The following WNT7B variants were observed in gnomAD, a reference collection of about 807,000 sequenced individuals.
WNT7B encodes the protein Wnt family member 7B, also known as protein Wnt-7b.
WNT7B carries 19 observed loss-of-function variants against 38.2 expected under a neutral mutation model. The ratio of observed to expected loss-of-function variants is 0.50; its 90% CI spans 0.35 to 0.73. The LOEUF is 0.73. Among genes scored for constraint, WNT7B ranks in the 30% least tolerant of loss-of-function variants. The pLI is 0.01. For missense variants in WNT7B, 423 were observed against 507.9 expected, an observed-to-expected ratio of 0.83 and a Z score of 1.61; for synonymous variants, 243 against 209.3, an observed-to-expected ratio of 1.16 and a Z score of -1.39.
intron 1 of WNT7B, 38 bp from the exon 2 acceptor site, chr22:45,950,184 C>T (rs374709217): frequency 3.8e-6 from 6 of 1,565,216 alleles, no homozygotes; most frequent in South Asian, 1.1e-5. Flanking sequence ...GAGACGGCGG[C>T]GGCCAGCGCC....
chr22:45,929,698 ATCTTTCCATCCACCCG>A (rs1931249435), intron 3 of WNT7B, among the ~76,000 whole-genome samples: 1 of 144,292 alleles, frequency 6.9e-6, no homozygotes, highest in South Asian at 2.2e-4. Context: ...CCATCCACCC[ATCTTTCCATCCACCCG>A]TGAATCCACT....
chr22:45,973,616 G>A (rs144432400), intron 1 of WNT7B, among the ~76,000 whole-genome samples: 2,116 of 152,324 alleles, frequency 0.014, 49 homozygotes, highest in African/African-American at 0.046. Context: ...ACTCCAGACG[G>A]GCTCCTCTGA....
At chr22:45,943,028 T>TGTGCA (rs1931699297) in intron 2 of WNT7B, among the ~76,000 whole-genome samples, 3 of 146,754 alleles carry the variant, frequency 2.0e-5, no homozygotes, top group African/African-American at 7.6e-5. Flanking sequence ...CATGTGTATG[T>TGTGCA]GTGTGCGCGT....
chr22:45,926,264 GC>G (rs1318838981), intron 3 of WNT7B: 3 of 985,258 alleles, frequency 3.0e-6, no homozygotes, highest in Non-Finnish European at 2.4e-6. Flanking sequence ...ACTGAGACCG[GC>G]CCCCTGCCCC....
chr22:45,971,912 T>A (rs1486557108), intron 1 of WNT7B, among the ~76,000 whole-genome samples: 1 of 152,160 alleles, frequency 6.6e-6, no homozygotes, highest in Non-Finnish European at 1.5e-5. Flanking sequence ...CGAGCCGCTC[T>A]CAGGCCATCC....
chr22:45,942,445 A>T (rs891656532), intron 2 of WNT7B, among the ~76,000 whole-genome samples: 1 of 152,214 alleles, frequency 6.6e-6, no homozygotes, highest in East Asian at 1.9e-4. Flanking sequence ...CAGGCTGGGG[A>T]CATCGGGGTG....
Position 45,931,803 on chromosome 22 carries a change from C to G in WNT7B, c.299-434G>C, listed in dbSNP as rs184371343. ...CCCCTCTGCCAGCCTCCCAGGAGCC[C>G]CTCCTCATGAACGGGCATTTGCACT... On this transcript the variant is annotated intron_variant, in intron 2 of 3. Coordinates refer to ENST00000339464, the MANE Select transcript of WNT7B (RefSeq NM_058238.3). Among the ~76,000 whole-genome samples the G allele has an allele frequency of 3.9e-5, 6 of 152,098 alleles. No homozygotes were observed. The East Asian group carries it at 9.7e-4, about 25-fold the overall frequency.
chr22:45,929,606 A>C (rs1931233155), intron 3 of WNT7B, among the ~76,000 whole-genome samples: 1 of 145,726 alleles, frequency 6.9e-6, no homozygotes, highest in African/African-American at 2.6e-5. Context: ...GCATCCATCC[A>C]CCTGCCCATA....
intron 3 of WNT7B, chr22:45,926,454 AAGGGTGT>A: frequency 1.0e-6 from 1 of 985,374 alleles, no homozygotes; most frequent in Non-Finnish European, 1.2e-6. Flanking sequence ...TTTCCAGAAT[AAGGGTGT>A]AGCCTGTGCT....
intron 3 of WNT7B, chr22:45,925,951 G>T: frequency 4.1e-6 from 4 of 985,294 alleles, no homozygotes; most frequent in Non-Finnish European, 3.6e-6. Flanking sequence ...CCCTGGTACT[G>T]TGCCCTGTAT....
rs117535549 is a variant in WNT7B at position 45,942,903 on chromosome 22, G to A, written c.298+7017C>T. On this transcript the variant is annotated intron_variant, in intron 2 of 3. Coordinates refer to ENST00000339464, the MANE Select transcript of WNT7B (RefSeq NM_058238.3). ...TGCATGTATGTGCGTGTGTGTGCGCGCGTGTGTGCAGTGTGCACGTGTGTG... is the reference window on the plus strand; with the variant it reads ...TGCATGTATGTGCGTGTGTGTGCGCACGTGTGTGCAGTGTGCACGTGTGTG... 1.3e-3 allele frequency among the ~76,000 whole-genome samples: 194 copies of A among 150,986 alleles called. 8 individuals carry two copies. In the East Asian group the frequency reaches 0.035, roughly 27 times the overall value.
intron 2 of WNT7B, among the ~76,000 whole-genome samples, chr22:45,944,587 A>ATGAG (rs1931750309): frequency 6.6e-6 from 1 of 152,126 alleles, no homozygotes; most frequent in African/African-American, 2.4e-5. Context: ...GGCCCCTGAG[A>ATGAG]TGAGGGTGGA....
intron 1 of WNT7B, among the ~76,000 whole-genome samples, chr22:45,959,412 G>A (rs1932144757): frequency 6.6e-6 from 1 of 152,134 alleles, no homozygotes; most frequent in African/African-American, 2.4e-5. Flanking sequence ...GGATTATGAG[G>A]GTGAAACCAC....
chr22:45,957,186 G>A (rs1382949839), intron 1 of WNT7B, among the ~76,000 whole-genome samples: 1 of 152,042 alleles, frequency 6.6e-6, no homozygotes, highest in Non-Finnish European at 1.5e-5. Flanking sequence ...CCTTGGGTGG[G>A]TGGCACCAAC....
intron 1 of WNT7B, among the ~76,000 whole-genome samples, chr22:45,958,078 G>A (rs996634084): frequency 2.6e-5 from 4 of 152,220 alleles, no homozygotes; most frequent in East Asian, 1.9e-4. Context: ...TGCTCTGCCC[G>A]TGCCCAGCCT....
intron 3 of WNT7B, chr22:45,926,815 T>G (rs1931098654): frequency 1.0e-6 from 1 of 985,294 alleles, no homozygotes; most frequent in Non-Finnish European, 1.2e-6. Flanking sequence ...AGTTACATCA[T>G]GAGCCACTGG....
chr22:45,927,600 A>G (rs117905397), intron 3 of WNT7B: 16,162 of 956,106 alleles, frequency 0.017, 186 homozygotes, highest in Non-Finnish European at 0.021. Flanking sequence ...GTGTCCATAT[A>G]AGAGATGGAA....
chr22:45,942,718 G>A (rs752829028), intron 2 of WNT7B, among the ~76,000 whole-genome samples: 4 of 152,240 alleles, frequency 2.6e-5, no homozygotes, highest in Non-Finnish European at 4.4e-5. Context: ...ATGAGTTGAG[G>A]CAGTGGAGGG....
intron 2 of WNT7B, among the ~76,000 whole-genome samples, chr22:45,942,723 G>A (rs1931680505): frequency 6.6e-6 from 1 of 152,240 alleles, no homozygotes; most frequent in Non-Finnish European, 1.5e-5. Flanking sequence ...TTGAGGCAGT[G>A]GAGGGCTCAG....
Sources: gnomAD v4.1 joint callset for allele counts (sites outside exome capture counted in the v4.1 genomes callset) on GRCh38, gnomAD v4.1.1 for gene constraint, MANE v1.5 for transcripts, NCBI Gene and HGNC (gene_info 2026-07-23, HGNC 2026-07-21) for gene names.